LRRC4C: variants seen among roughly 807,000 people sequenced by gnomAD.
LRRC4C encodes leucine-rich repeat-containing protein 4C.
Under a neutral mutation model 33.6 loss-of-function variants are expected in LRRC4C, and 5 were observed. That is an observed-to-expected ratio of 0.15 (90% CI 0.08 to 0.31). The LOEUF (loss-of-function observed/expected upper bound fraction) is 0.31, where lower values mean the gene tolerates loss of function less well. Ranked by LOEUF, LRRC4C falls within the 10% of genes least tolerant of loss-of-function variation. The pLI is 1.00. For missense variants in LRRC4C, 560 were observed against 796.7 expected (o/e 0.70, Z 3.58); for synonymous variants, 329 against 302.0 (o/e 1.09, Z -0.93).
chr11:41,226,093 C>T (rs1947521959), intron 1 of LRRC4C, among the ~76,000 whole-genome samples: 1 of 152,116 alleles, frequency 6.6e-6, no homozygotes, highest in Non-Finnish European at 1.5e-5. Context: ...TTGTACGAGT[C>T]TATTTTTGGA....
intron 4 of LRRC4C, among the ~76,000 whole-genome samples, chr11:40,246,468 A>T (rs1866349171): frequency 1.3e-5 from 2 of 152,154 alleles, no homozygotes; most frequent in Non-Finnish European, 2.9e-5. Context: ...TTTCATTTAG[A>T]TGCTTCTTTG....
intron 1 of LRRC4C, among the ~76,000 whole-genome samples, chr11:41,363,988 C>A (rs1222758742): frequency 6.6e-6 from 1 of 152,100 alleles, no homozygotes; most frequent in East Asian, 1.9e-4. Context: ...TTAAATAAAG[C>A]ATATACAGGT....
At chr11:40,896,436 T>C (rs2136149841) in intron 2 of LRRC4C, among the ~76,000 whole-genome samples, 1 of 152,300 alleles carries the variant, frequency 6.6e-6, no homozygotes, top group South Asian at 2.1e-4. Context: ...GTAATTAGCA[T>C]GAGTGTACTT....
intron 1 of LRRC4C, among the ~76,000 whole-genome samples, chr11:41,149,426 GAAC>G (rs758807637): frequency 6.3e-5 from 9 of 143,740 alleles, no homozygotes; most frequent in East Asian, 2.1e-4. Flanking sequence ...AGAATGGCGT[GAAC>G]AACCCGGGAG....
intron 1 of LRRC4C, among the ~76,000 whole-genome samples, chr11:41,181,392 C>A (rs1407381753): frequency 6.6e-6 from 1 of 152,082 alleles, no homozygotes; most frequent in African/African-American, 2.4e-5. Context: ...GCATCCAACG[C>A]CATATTCTCA....
chr11:40,336,976 CAAAAAAAAA>C (rs34144874), intron 3 of LRRC4C, among the ~76,000 whole-genome samples: 21 of 79,252 alleles, frequency 2.6e-4, no homozygotes, highest in East Asian at 1.5e-3. Flanking sequence ...GACTTCGTCT[CAAAAAAAAA>C]AAAAAAAAAA....
At chr11:40,137,831 C>G (rs1857085701) in intron 6 of LRRC4C, among the ~76,000 whole-genome samples, 1 of 152,058 alleles carries the variant, frequency 6.6e-6, no homozygotes. Flanking sequence ...ATTGTAAGAT[C>G]ATTTTAAACT....
intron 1 of LRRC4C, among the ~76,000 whole-genome samples, chr11:41,208,448 G>C (rs1011787402): frequency 2.6e-5 from 4 of 152,172 alleles, no homozygotes; most frequent in Non-Finnish European, 4.4e-5. Flanking sequence ...GTGTGCTCTG[G>C]ATGAAACACA....
rs191342674 is a variant in LRRC4C at position 40,345,415 on chromosome 11, C to T, written c.-269-25694G>A. Among the ~76,000 whole-genome samples, 5 of 152,246 alleles carry T rather than the reference C, an allele frequency of 3.3e-5. No homozygotes were observed. In the East Asian group the frequency reaches 7.7e-4, roughly 23 times the overall value. ...TGCCATATTCATACACCCATCTGAT[C>T]TTTGACAAAGCTGACAAAAACAAGC... is the stretch of plus-strand genomic sequence containing the variant. On this transcript the variant is annotated intron_variant, in intron 3 of 6. Coordinates refer to ENST00000528697, the MANE Select transcript of LRRC4C (RefSeq NM_001258419.2).
At chr11:40,190,764 A>G (rs940910187) in intron 5 of LRRC4C, among the ~76,000 whole-genome samples, 6 of 152,212 alleles carry the variant, frequency 3.9e-5, no homozygotes, top group Non-Finnish European at 8.8e-5. Flanking sequence ...AGTTATACTC[A>G]TGTGTCTAGC....
At chr11:40,319,841 A>G (rs1345266420) in intron 3 of LRRC4C, 120 bp from the exon 4 acceptor site, 1 of 152,212 alleles carries the variant, frequency 6.6e-6, no homozygotes, top group Non-Finnish European at 1.5e-5. Context: ...ATTTAAAATC[A>G]CAGAATGTCT....
intron 2 of LRRC4C, among the ~76,000 whole-genome samples, chr11:40,663,897 G>C (rs888335844): frequency 6.6e-6 from 1 of 152,086 alleles, no homozygotes; most frequent in Admixed American, 6.5e-5. Flanking sequence ...GAAATAAAGA[G>C]GAATAGGAAG....
At chr11:41,173,921 T>C (rs1318564018) in intron 1 of LRRC4C, among the ~76,000 whole-genome samples, 1 of 152,122 alleles carries the variant, frequency 6.6e-6, no homozygotes, top group Non-Finnish European at 1.5e-5. Context: ...TCAGAAAATA[T>C]GTCAACTTTA....
chr11:41,440,612 T>C (rs1955585965), intron 1 of LRRC4C, among the ~76,000 whole-genome samples: 1 of 152,140 alleles, frequency 6.6e-6, no homozygotes, highest in Admixed American at 6.6e-5. Flanking sequence ...ATTGGACTGA[T>C]ATGGTTTGGT....
At position 40,114,480 on chromosome 11, in the gene LRRC4C, A is replaced by T. The variant is rs760548470; in HGVS notation, c.1813T>A (p.Phe605Ile). ...LNHYNSYKSPFNHTTTVNTIN... is the reference protein window; with the variant it reads ...LNHYNSYKSPINHTTTVNTIN... ...GTGTTAACTGTTGTTGTGTGGTTGAAGGGAGATTTGTATGAGTTATAGTGA... is the reference window on the plus strand; with the variant it reads ...GTGTTAACTGTTGTTGTGTGGTTGATGGGAGATTTGTATGAGTTATAGTGA... Residue 605 changes from phenylalanine to isoleucine, a missense_variant, in exon 7 of 7, where the codon TTC becomes ATC. By Grantham distance (21) the Phe-to-Ile change is conservative. Transcript: ENST00000528697. The T allele has an allele frequency of 8.7e-6, 14 of 1,614,118 alleles. No individual in the cohort carries two copies. The highest frequency in any genetic ancestry group is 1.1e-5 in the Non-Finnish European group (13 of 1,180,018).
chr11:40,142,819 G>A (rs1327775955), intron 5 of LRRC4C, among the ~76,000 whole-genome samples: 1 of 152,028 alleles, frequency 6.6e-6, no homozygotes, highest in East Asian at 1.9e-4. Flanking sequence ...ATCTCCAGCA[G>A]GCTTGCAGAC....
intron 2 of LRRC4C, among the ~76,000 whole-genome samples, chr11:40,678,631 GT>G (rs1944527744): frequency 6.6e-6 from 1 of 152,074 alleles, no homozygotes; most frequent in African/African-American, 2.4e-5. Flanking sequence ...GATAGTGAAT[GT>G]TTCACAAGAT....
intron 4 of LRRC4C, chr11:40,294,058 G>A (rs527451402): frequency 6.6e-6 from 1 of 152,602 alleles, no homozygotes; most frequent in East Asian, 1.9e-4. Flanking sequence ...TAGGGTCCTA[G>A]CTTCCAAAAG....
At chr11:41,090,329 G>C (rs1347128545) in intron 1 of LRRC4C, among the ~76,000 whole-genome samples, 1 of 151,764 alleles carries the variant, frequency 6.6e-6, no homozygotes, top group Non-Finnish European at 1.5e-5. Context: ...TTATTTCTTG[G>C]GTAAATGTAA....
Sources: gnomAD v4.1 joint callset for allele counts (sites outside exome capture counted in the v4.1 genomes callset) on GRCh38, gnomAD v4.1.1 for gene constraint, MANE v1.5 for transcripts, NCBI Gene and HGNC (gene_info 2026-07-23, HGNC 2026-07-21) for gene names.